CRYBG3: variants seen among roughly 807,000 people sequenced by gnomAD.
CRYBG3 encodes very large A-kinase anchor protein.
A neutral mutation model predicts 244.2 loss-of-function variants in CRYBG3; 127 were observed. That is an observed-to-expected ratio of 0.52 (90% confidence interval 0.45 to 0.60). The LOEUF (loss-of-function observed/expected upper bound fraction) is 0.60, where lower values mean the gene tolerates loss of function less well. CRYBG3 is among the 20% of genes least tolerant of loss of function. CRYBG3 has a pLI of 0.00. For missense variants in CRYBG3, 3,325 were observed against 3,442.5 expected (o/e 0.97, Z 0.85); for synonymous variants, 1,132 against 1,195.8 (o/e 0.95, Z 1.10).
rs1316349315 is a variant in CRYBG3, at chr3:97,922,052, G to A, written c.8241+6316G>A. Among the ~76,000 whole-genome samples, 9 of 152,250 alleles carry A rather than the reference G, an allele frequency of 5.9e-5. 1 individual carries two copies. Among genetic ancestry groups the A allele is most frequent in the African/African-American group, 2.2e-4 (9 of 41,552 alleles). ...AATGATCTTAGGAAGTAGAATAAGA[G>A]TTGGCAAGACAATGATTCATTCTGT... is the stretch of plus-strand genomic sequence containing the variant. On this transcript the variant is annotated intron_variant, in intron 17 of 21. Transcript: ENST00000389622.
chr3:97,858,404 C>T (rs1310298516), intron 2 of CRYBG3, among the ~76,000 whole-genome samples: 1 of 151,984 alleles, frequency 6.6e-6, no homozygotes, highest in African/African-American at 2.4e-5. Flanking sequence ...GACTTTTGAG[C>T]TTCCTGGATC....
intron 21 of CRYBG3, 187 bp downstream of exon 21, chr3:97,942,630 A>G: frequency 1.9e-6 from 1 of 537,598 alleles, no homozygotes; most frequent in Non-Finnish European, 3.2e-6. Flanking sequence ...CAAACAACAA[A>G]GCTTAGGGTT....
rs2039366963 is a variant in CRYBG3, at chr3:97,876,011, T to C, written c.4817T>C (p.Ile1606Thr). The C allele has an allele frequency of 2.4e-6, 3 of 1,231,954 alleles. No individual in the cohort carries two copies. The African/African-American group carries it at 4.7e-5, about 19-fold the overall frequency. 76.3% of individuals were successfully genotyped at this position (1,231,954 alleles called of 1,614,324 possible). ...EVYQMDAESC[I>T]EKTEGSAVIL... ...TACCAAATGGATGCCGAGAGCTGTA[T>C]TGAAAAAACTGAGGGATCAGCTGTC... is the stretch of plus-strand genomic sequence containing the variant. Residue 1606 changes from isoleucine to threonine, a missense_variant, in exon 4 of 22, where the codon ATT (isoleucine) becomes ACT (threonine). Transcript: ENST00000389622.
At chr3:97,851,439 T>C (rs955291529) in intron 2 of CRYBG3, among the ~76,000 whole-genome samples, 2 of 152,220 alleles carry the variant, frequency 1.3e-5, no homozygotes, top group African/African-American at 4.8e-5. Context: ...CACCCTGTGG[T>C]GTCAAGGCAG....
intron 1 of CRYBG3, among the ~76,000 whole-genome samples, chr3:97,841,192 GTGTATATATGTATATA>G (rs148896217): frequency 6.9e-6 from 1 of 145,910 alleles, no homozygotes; most frequent in African/African-American, 2.7e-5. Context: ...TCATATATGT[GTGTATATATGTATATA>G]TGTATATATG....
At chr3:97,906,730 C>G (rs1199168172) in intron 15 of CRYBG3, among the ~76,000 whole-genome samples, 1 of 150,970 alleles carries the variant, frequency 6.6e-6, no homozygotes, top group East Asian at 1.9e-4. Flanking sequence ...AACTGAATAC[C>G]CTTTATTTCC....
chr3:97,860,898 T>G (rs1250993943), intron 2 of CRYBG3, among the ~76,000 whole-genome samples: 1 of 152,144 alleles, frequency 6.6e-6, no homozygotes, highest in African/African-American at 2.4e-5. Flanking sequence ...TCTTAAATTG[T>G]GCCTCTGTTT....
intron 3 of CRYBG3, among the ~76,000 whole-genome samples, chr3:97,866,413 G>A (rs554157624): frequency 3.9e-5 from 6 of 152,142 alleles, no homozygotes; most frequent in African/African-American, 1.2e-4. Context: ...ATGGGATTAC[G>A]ATTGTCTAAA....
intron 2 of CRYBG3, among the ~76,000 whole-genome samples, chr3:97,844,899 T>C (rs2038877362): frequency 6.6e-6 from 1 of 152,190 alleles, no homozygotes; most frequent in South Asian, 2.1e-4. Context: ...GAAACTGTTT[T>C]TCTTGTGATT....
At chr3:97,838,880 C>A (rs1472875244) in intron 1 of CRYBG3, among the ~76,000 whole-genome samples, 1 of 151,972 alleles carries the variant, frequency 6.6e-6, no homozygotes, top group Non-Finnish European at 1.5e-5. Context: ...TTGTCTGGCA[C>A]AGAGTCACAC....
chr3:97,833,869 T>G (rs2038692089), intron 1 of CRYBG3, among the ~76,000 whole-genome samples: 1 of 152,130 alleles, frequency 6.6e-6, no homozygotes, highest in Non-Finnish European at 1.5e-5. Flanking sequence ...ATGTTAAGAT[T>G]GGGCATCTGC....
chr3:97,888,215 G>C (rs1383062513), intron 8 of CRYBG3, 126 bp from the exon 9 acceptor site: 2 of 608,264 alleles, frequency 3.3e-6, no homozygotes, highest in South Asian at 2.2e-5. Context: ...CTCACTTTGA[G>C]TGTGTTTTAC....
intron 1 of CRYBG3, among the ~76,000 whole-genome samples, chr3:97,824,140 C>T (rs966631605): frequency 5.3e-5 from 8 of 152,256 alleles, no homozygotes; most frequent in African/African-American, 1.7e-4. Context: ...TCTTTCATTT[C>T]AAGGGCATAA....
chr3:97,857,920 G>GT (rs145071338), intron 2 of CRYBG3, among the ~76,000 whole-genome samples: 610 of 152,026 alleles, frequency 4.0e-3, no homozygotes, highest in Non-Finnish European at 6.7e-3. Context: ...ATCTTTGGTG[G>GT]TTTTCTATCA....
intron 9 of CRYBG3, among the ~76,000 whole-genome samples, chr3:97,889,120 G>T (rs1576545863): frequency 6.6e-6 from 1 of 152,148 alleles, no homozygotes; most frequent in African/African-American, 2.4e-5. Flanking sequence ...AATCTGGAAA[G>T]TGTATCCTTA....
chr3:97,924,388 A>C (rs979803731), intron 17 of CRYBG3: 1 of 454,396 alleles, frequency 2.2e-6, no homozygotes, highest in South Asian at 1.6e-5. Context: ...TCAAACAGAA[A>C]AAGCACAAAT....
At chr3:97,905,150 A>G (rs1181366292) in intron 15 of CRYBG3, among the ~76,000 whole-genome samples, 1 of 152,038 alleles carries the variant, frequency 6.6e-6, no homozygotes, top group Non-Finnish European at 1.5e-5. Context: ...TCATTGTTGG[A>G]CATTTGGGTT....
At chr3:97,940,619 A>C (rs1230276307) in intron 19 of CRYBG3, among the ~76,000 whole-genome samples, 2 of 152,030 alleles carry the variant, frequency 1.3e-5, no homozygotes, top group Non-Finnish European at 2.9e-5. Context: ...TTAAACATAC[A>C]TGGTCTCTAC....
chr3:97,934,978 C>T (rs956948853), intron 18 of CRYBG3, among the ~76,000 whole-genome samples: 8 of 152,038 alleles, frequency 5.3e-5, no homozygotes, highest in Non-Finnish European at 1.0e-4. Flanking sequence ...CTTATTTCTT[C>T]TCTTTGGCTT....
Sources: allele counts gnomAD v4.1 joint callset (sites outside exome capture counted in the v4.1 genomes callset), GRCh38; gene constraint gnomAD v4.1.1; transcripts MANE v1.5; gene names NCBI Gene and HGNC (gene_info 2026-07-23, HGNC 2026-07-21).